Variants in ZC3H3 observed in about 807,000 individuals in gnomAD.
ZC3H3 encodes zinc finger CCCH domain-containing protein 3.
In ZC3H3, 36 loss-of-function variants were observed where a neutral mutation model predicts 77.3. The ratio of observed to expected loss-of-function variants is 0.47; its 90% CI spans 0.36 to 0.61. The LOEUF (loss-of-function observed/expected upper bound fraction) is 0.61. ZC3H3 is among the 20% of genes least tolerant of loss of function. ZC3H3 has a pLI of 0.00. For missense variants in ZC3H3, 1,331 were observed against 1,312.2 expected (o/e 1.01, Z -0.22); for synonymous variants, 626 against 555.2 (o/e 1.13, Z -1.79).
Position 143,498,599 on chromosome 8 carries a change from G to A in ZC3H3, c.1715+9147C>T, listed in dbSNP as rs548616365. On this transcript the variant is annotated intron_variant, in intron 4 of 11. Transcript: ENST00000262577. ...TGCCCCATGCAGCCCTGTCCTCCCC[G>A]GCTGAAGGGGGTCACCCCGTGTTCT... 5.9e-5 allele frequency among the ~76,000 whole-genome samples: 9 copies of A among 152,106 alleles called. No homozygotes were observed. The East Asian group carries it at 1.4e-3, about 23-fold the overall frequency.
At chr8:143,506,269 G>T (rs548805599) in intron 4 of ZC3H3, among the ~76,000 whole-genome samples, 2 of 152,266 alleles carry the variant, frequency 1.3e-5, no homozygotes, top group African/African-American at 2.4e-5. Context: ...ACCCCTGGGA[G>T]AGGTGGACCC....
intron 3 of ZC3H3, among the ~76,000 whole-genome samples, chr8:143,517,856 C>T (rs1053574108): frequency 1.3e-5 from 2 of 152,224 alleles, no homozygotes; most frequent in African/African-American, 4.8e-5. Context: ...GTGCTCCCTG[C>T]CCCACCTGCA....
rs200726062 is a variant in ZC3H3 at position 143,536,392 on chromosome 8, G to A, written c.1426C>T (p.Leu476Phe). Residue 476 changes from leucine to phenylalanine, a missense_variant, in exon 3 of 12, where the codon CTC becomes TTC. By Grantham distance (22) the Leu-to-Phe change is conservative. Transcript: ENST00000262577. ...CCCCTGAGGGCCTGTCTCCGCCGGA[G>A]GCTGAGGTGGCTCTTGGCGGTGGCG... is the stretch of plus-strand genomic sequence containing the variant. ...PAATAKSHLS[L>F]RRRQALRGKS... The A allele has an allele frequency of 2.9e-5, 45 of 1,576,828 alleles. No homozygotes were observed. Among genetic ancestry groups the A allele is most frequent in the Middle Eastern group, 1.7e-4 (1 of 5,878 alleles).
In ZC3H3 at chr8:143,531,162, G is replaced by A. The variant is rs147971816; in HGVS notation, c.1561+5095C>T. Among the ~76,000 whole-genome samples the A allele has an allele frequency of 7.5e-4, 114 of 152,070 alleles. 2 individuals are homozygous for A. Among genetic ancestry groups the A allele is most frequent in the African/African-American group, 2.9e-4 (12 of 41,490 alleles). On this transcript the variant is annotated intron_variant, in intron 3 of 11. Transcript: ENST00000262577. ...TTTTGTAGAGATGGGGTTTTGCCAC[G>A]TTGCCCAGGCTGGTCTTGACCTCCT...
At chr8:143,466,315 G>A (rs776013380) in intron 8 of ZC3H3, among the ~76,000 whole-genome samples, 108 of 152,302 alleles carry the variant, frequency 7.1e-4, no homozygotes, top group Admixed American at 4.4e-3. Flanking sequence ...CACCTGACCC[G>A]TGGGCCACAG....
At chr8:143,524,817 C>T (rs549822636) in intron 3 of ZC3H3, among the ~76,000 whole-genome samples, 1 of 152,358 alleles carries the variant, frequency 6.6e-6, no homozygotes, top group East Asian at 1.9e-4. Flanking sequence ...CAGCAGGGCA[C>T]CTGCCAGCCA....
chr8:143,540,880 C>T (rs1238939044), intron 1 of ZC3H3, among the ~76,000 whole-genome samples: 1 of 152,008 alleles, frequency 6.6e-6, no homozygotes, highest in African/African-American at 2.4e-5. Context: ...CACTCGAACC[C>T]AGGATGAGGA....
chr8:143,440,987 C>T lies in ZC3H3; in HGVS notation c.2441G>A (p.Gly814Glu). 1.4e-6 allele frequency: 2 copies of T among 1,466,694 alleles called. No homozygotes were observed. Among genetic ancestry groups the T allele is most frequent in the Non-Finnish European group, 1.8e-6 (2 of 1,116,526 alleles). The allele number at this position is 1,466,694 out of a possible 1,614,324, so 90.9% of individuals were successfully genotyped here. ...GCTCCTGGCGGTTGCGTCGCTGGGC[C>T]CTGGGGCGGGGGACGTGGCTGCCCG... Reference protein sequence around the residue: ...SRRAATSPAPGPSDATARSRV... With the variant: ...SRRAATSPAPEPSDATARSRV... The change falls in exon 10 of 12, where the codon GGG (glycine) becomes GAG (glutamate). Residue 814 changes from glycine to glutamate, a missense_variant. Gly to Glu is a moderately conservative substitution (Grantham distance 98). This residue lies in a region of ZC3H3 where 249 missense variants were observed against 236.9 expected (regional missense o/e 1.05). Coordinates refer to ENST00000262577, the MANE Select transcript of ZC3H3 (RefSeq NM_015117.3).
At chr8:143,483,243 C>G (rs1820956057) in intron 4 of ZC3H3, among the ~76,000 whole-genome samples, 1 of 152,268 alleles carries the variant, frequency 6.6e-6, no homozygotes, top group Admixed American at 6.5e-5. Context: ...ACTGGAAACG[C>G]TGACACCCCC....
intron 3 of ZC3H3, among the ~76,000 whole-genome samples, chr8:143,529,472 C>G (rs561001784): frequency 6.6e-6 from 1 of 152,276 alleles, no homozygotes; most frequent in South Asian, 2.1e-4. Context: ...CAGGGAGGAC[C>G]CAAGGACACA....
Position 143,444,351 on chromosome 8 carries a change from C to G in ZC3H3, c.2308-3231G>C, listed in dbSNP as rs1819816454. Among the ~76,000 whole-genome samples, 6 of 152,164 alleles carry G rather than the reference C, an allele frequency of 3.9e-5. 1 individual carries two copies. The highest frequency in any genetic ancestry group is 3.9e-4 in the Admixed American group (6 of 15,270). ...AACAAGTCCACTGTATAGAAAAACA[C>G]AGAACACTACTCAGCTTATGGGGCC... On this transcript the variant is annotated intron_variant, in intron 9 of 11. Coordinates refer to ENST00000262577, the MANE Select transcript of ZC3H3 (RefSeq NM_015117.3).
In ZC3H3 at chr8:143,482,664, C is replaced by T. The variant is rs552068325; in HGVS notation, c.1716-7079G>A. On this transcript the variant is annotated intron_variant, in intron 4 of 11. Transcript: ENST00000262577. ...GGCTCTCTGAGAACAAAGGGAGCAG[C>T]GGGGCTCAAGGAGGGAGGCATGGTC... is the stretch of plus-strand genomic sequence containing the variant. Among the ~76,000 whole-genome samples the T allele has an allele frequency of 1.8e-4, 27 of 152,214 alleles. 1 individual carries two copies. The highest frequency in any genetic ancestry group is 1.2e-3 in the Admixed American group (18 of 15,292).
intron 4 of ZC3H3, chr8:143,484,689 A>T (rs1821003360): frequency 4.3e-6 from 1 of 231,812 alleles, no homozygotes; most frequent in African/African-American, 2.3e-5. Context: ...CACCTGTGCC[A>T]CCCTTTGGGC....
chr8:143,532,985 T>C (rs1822667864), intron 3 of ZC3H3, among the ~76,000 whole-genome samples: 1 of 152,116 alleles, frequency 6.6e-6, no homozygotes, highest in Non-Finnish European at 1.5e-5. Flanking sequence ...CTTGAGAGCC[T>C]GCGGACTCCG....
At chr8:143,463,484 C>G (rs1053719611) in intron 9 of ZC3H3, among the ~76,000 whole-genome samples, 6 of 152,220 alleles carry the variant, frequency 3.9e-5, no homozygotes, top group Non-Finnish European at 8.8e-5. Flanking sequence ...CGTGGACAAA[C>G]AGGCGAGCGG....
chr8:143,535,594 G>T (rs1161193872), intron 3 of ZC3H3, among the ~76,000 whole-genome samples: 1 of 152,196 alleles, frequency 6.6e-6, no homozygotes, highest in Admixed American at 6.5e-5. Context: ...CCAACCACGT[G>T]CCCGCCTGGA....
intron 3 of ZC3H3, among the ~76,000 whole-genome samples, chr8:143,524,155 C>G (rs1468318353): frequency 2.6e-5 from 4 of 152,264 alleles, no homozygotes; most frequent in African/African-American, 9.6e-5. Flanking sequence ...GTGCCCACAG[C>G]CTGTTTCAGG....
At chr8:143,491,178 C>T (rs1477330290) in intron 4 of ZC3H3, among the ~76,000 whole-genome samples, 1 of 152,204 alleles carries the variant, frequency 6.6e-6, no homozygotes, top group Non-Finnish European at 1.5e-5. Context: ...GGGCTCCGCC[C>T]TCCCCGGCCT....
chr8:143,539,581 C>T (rs879330644), intron 1 of ZC3H3, among the ~76,000 whole-genome samples: 1 of 152,182 alleles, frequency 6.6e-6, no homozygotes, highest in Non-Finnish European at 1.5e-5. Flanking sequence ...CAGAAATGAA[C>T]CGTGTGGTGT....
Sources: allele counts gnomAD v4.1 joint callset (sites outside exome capture counted in the v4.1 genomes callset), GRCh38; gene constraint gnomAD v4.1.1; regional missense constraint gnomAD v4.1.1; transcripts MANE v1.5; gene names NCBI Gene and HGNC (gene_info 2026-07-23, HGNC 2026-07-21).